Variants in HAAO observed in about 807,000 individuals in gnomAD.
HAAO encodes 3-hydroxyanthranilate oxygenase.
Under a neutral mutation model 46.2 loss-of-function variants are expected in HAAO, and 49 were observed. The ratio of observed to expected loss-of-function variants is 1.06; its 90% confidence interval spans 0.84 to 1.34. The LOEUF is 1.34. Ranked by LOEUF, HAAO falls within the 40% of genes most tolerant of loss-of-function variation. The pLI, the probability that HAAO is intolerant of heterozygous loss-of-function variation, is 0.00. For missense variants in HAAO, 408 were observed against 364.5 expected, an observed-to-expected ratio of 1.12 and a Z score of -0.97; for synonymous variants, 157 against 145.2, an observed-to-expected ratio of 1.08 and a Z score of -0.58.
At position 42,767,859 on chromosome 2, in the gene HAAO, C is replaced by G. The variant is rs1670786616; in HGVS notation, c.699+1G>C. 3 of 1,613,876 alleles carry G rather than the reference C, an allele frequency of 1.9e-6. No individual in the cohort carries two copies. The highest frequency in any genetic ancestry group is 1.7e-5 in the Admixed American group (1 of 60,022). ...CAACCCTGTCCCTGGGCCCCACTTG[C>G]CAGCTGCCACAGCCACACGTCCACA... On this transcript the variant is annotated splice_donor_variant, in intron 8 of 9. Transcript: ENST00000294973. LOFTEE classifies it high-confidence loss of function.
chr2:42,770,441 C>T, intron 5 of HAAO, 52 bp downstream of exon 5: 3 of 1,292,712 alleles, frequency 2.3e-6, no homozygotes, highest in East Asian at 2.5e-5. Context: ...GCATCAGGTG[C>T]TGATGCAGAG....
At position 42,767,472 on chromosome 2, in the gene HAAO, T is replaced by C. The variant is rs201387643; in HGVS notation, c.826A>G (p.Thr276Ala). ...RTQGSVALSV[T>A]QDPACKKPLG ...GGCTTCTTGCAGGCAGGGTCCTGGG[T>C]CACAGACAGGGCCACAGAGCCTTGT... The change falls in exon 10 of 10, where the codon ACC becomes GCC. Residue 276 changes from threonine (T) to alanine (A), a missense_variant. Transcript: ENST00000294973. The C allele has an allele frequency of 4.7e-5, 76 of 1,613,170 alleles. No homozygotes were observed. The highest frequency in any genetic ancestry group is 9.3e-6 in the Non-Finnish European group (11 of 1,179,758).
chr2:42,776,158 T>C (rs1671558065), intron 4 of HAAO, among the ~76,000 whole-genome samples: 2 of 151,574 alleles, frequency 1.3e-5, no homozygotes, highest in Non-Finnish European at 2.9e-5. Context: ...GTGGTCCCTA[T>C]CTAAATAAAA....
At chr2:42,780,504 C>T (rs528001059) in intron 4 of HAAO, among the ~76,000 whole-genome samples, 37 of 150,824 alleles carry the variant, frequency 2.5e-4, no homozygotes, top group Middle Eastern at 3.4e-3. Context: ...CCGCGCCCGG[C>T]GAACACAGGT....
chr2:42,772,969 G>A (rs1053786465), intron 4 of HAAO, among the ~76,000 whole-genome samples: 1 of 148,478 alleles, frequency 6.7e-6, no homozygotes, highest in East Asian at 2.0e-4. Flanking sequence ...ACCAAACACT[G>A]TTGAGCTTTT....
At chr2:42,769,912 C>T in intron 6 of HAAO, 54 bp from the exon 7 acceptor site, 1 of 1,537,968 alleles carries the variant, frequency 6.5e-7, no homozygotes, top group Non-Finnish European at 8.8e-7. Flanking sequence ...CCCACCCAGC[C>T]CCAGTGGGCC....
intron 4 of HAAO, among the ~76,000 whole-genome samples, chr2:42,782,577 A>G (rs1212581065): frequency 6.6e-6 from 1 of 152,210 alleles, no homozygotes; most frequent in Admixed American, 6.5e-5. Flanking sequence ...GTGAAAGGAA[A>G]ATATCTTGGG....
At chr2:42,779,600 G>A (rs1035216427) in intron 4 of HAAO, among the ~76,000 whole-genome samples, 1 of 152,164 alleles carries the variant, frequency 6.6e-6, no homozygotes, top group Non-Finnish European at 1.5e-5. Context: ...GATTTCAGGC[G>A]TGAGCCACCG....
intron 2 of HAAO, among the ~76,000 whole-genome samples, chr2:42,786,368 G>A (rs1006769623): frequency 1.2e-4 from 18 of 152,158 alleles, no homozygotes; most frequent in Admixed American, 2.0e-4. Flanking sequence ...TGGGAGCCTG[G>A]GGCTGGCTAG....
intron 4 of HAAO, among the ~76,000 whole-genome samples, chr2:42,773,899 C>G (rs1254212019): frequency 3.9e-5 from 6 of 152,086 alleles, no homozygotes; most frequent in Non-Finnish European, 7.4e-5. Flanking sequence ...TACCTGCCCC[C>G]CATTGTATTC....
At chr2:42,771,358 C>A in intron 4 of HAAO, among the ~76,000 whole-genome samples, 1 of 151,038 alleles carries the variant, frequency 6.6e-6, no homozygotes, top group South Asian at 2.1e-4. Flanking sequence ...AACCGGGAAG[C>A]GGAGGTTGCA....
chr2:42,787,074 G>C (rs1378387146), intron 2 of HAAO, among the ~76,000 whole-genome samples: 4 of 152,136 alleles, frequency 2.6e-5, no homozygotes, highest in Non-Finnish European at 4.4e-5. Context: ...CCTGTCACAA[G>C]CCCACCTCCA....
At chr2:42,768,027 T>C in intron 7 of HAAO, 99 bp from the exon 8 acceptor site, 1 of 1,031,770 alleles carries the variant, frequency 9.7e-7, no homozygotes, top group Non-Finnish European at 1.5e-6. Context: ...TGGAGCAGGG[T>C]TGGGGCCCAT....
Position 42,767,527 on chromosome 2 carries a change from C to G in HAAO, c.783-12G>C. ...GCTCCCAGGCATACCTGTGGACACA[C>G]AGATGAGCAGGGATCACACAGAGTT... On this transcript the variant is annotated splice_polypyrimidine_tract_variant and intron_variant, in intron 9 of 9. Coordinates refer to ENST00000294973, the MANE Select transcript of HAAO (RefSeq NM_012205.3). 1 of 1,608,250 alleles carries G rather than the reference C, an allele frequency of 6.2e-7. No individual in the cohort carries two copies. The highest frequency in any genetic ancestry group is 1.1e-5 in the South Asian group (1 of 89,954).
intron 4 of HAAO, among the ~76,000 whole-genome samples, chr2:42,778,991 T>A (rs1015441260): frequency 2.6e-5 from 4 of 152,030 alleles, no homozygotes; most frequent in East Asian, 1.9e-4. Context: ...CACATGTCTG[T>A]AATCCCAGCT....
intron 4 of HAAO, among the ~76,000 whole-genome samples, chr2:42,779,346 C>A (rs975635096): frequency 6.7e-6 from 1 of 148,828 alleles, no homozygotes; most frequent in Non-Finnish European, 1.5e-5. Context: ...TTTTTTGAGA[C>A]AGAGTCTCAC....
At chr2:42,781,323 C>G (rs1671981019) in intron 4 of HAAO, among the ~76,000 whole-genome samples, 1 of 152,074 alleles carries the variant, frequency 6.6e-6, no homozygotes, top group African/African-American at 2.4e-5. Flanking sequence ...GTTTATGGAG[C>G]CAATAAAAAC....
At chr2:42,783,082 G>C in intron 4 of HAAO, 1 of 566,720 alleles carries the variant, frequency 1.8e-6, no homozygotes, top group East Asian at 3.0e-5. Flanking sequence ...AGTTCATCAG[G>C]CTGAGTGAGC....
intron 4 of HAAO, among the ~76,000 whole-genome samples, chr2:42,775,050 T>C (rs991966974): frequency 5.3e-5 from 8 of 152,000 alleles, no homozygotes; most frequent in Non-Finnish European, 1.2e-4. Flanking sequence ...AGTTCCAGAC[T>C]AGCCTGACCA....
Sources: gnomAD v4.1 joint callset for allele counts (sites outside exome capture counted in the v4.1 genomes callset) on GRCh38, gnomAD v4.1.1 for gene constraint, MANE v1.5 for transcripts, NCBI Gene and HGNC (gene_info 2026-07-23, HGNC 2026-07-21) for gene names.